CLASP2: variants seen among roughly 807,000 people sequenced by gnomAD.
CLASP2 encodes CLIP-associating protein 2.
Under a neutral mutation model 194.4 loss-of-function variants are expected in CLASP2, and 47 were observed. The ratio of observed to expected loss-of-function variants is 0.24; its 90% CI spans 0.19 to 0.31. CLASP2 has a LOEUF of 0.31. CLASP2 is among the 10% of genes least tolerant of loss of function. The probability of loss-of-function intolerance (pLI) is 1.00; values close to 1 mark genes in which losing one functional copy is unlikely to be tolerated. For missense variants in CLASP2, 1,445 were observed against 1,823.6 expected (o/e 0.79, Z 3.78); for synonymous variants, 619 against 633.5 (o/e 0.98, Z 0.34).
Position 33,592,353 on chromosome 3 carries a change from A to C in CLASP2, c.2068+42T>G, listed in dbSNP as rs937326712. The C allele has an allele frequency of 4.5e-6, 6 of 1,346,078 alleles. No homozygotes were observed. The Admixed American group carries it at 7.0e-5, about 16-fold the overall frequency. 83.4% of individuals were successfully genotyped at this position (1,346,078 alleles called of 1,614,324 possible). A position where few individuals can be genotyped will look rare whatever the true frequency, so the allele number is the denominator to read the frequency against. ...AATACAAAAGCAACACACTTATCCT[A>C]ACATAGTGACAAATATAGGAGGGCT... On this transcript the variant is annotated intron_variant, in intron 21 of 38. Coordinates refer to ENST00000682230, the MANE Select transcript of CLASP2 (RefSeq NM_001365631.1).
At chr3:33,683,597 G>A (rs2090157643) in intron 6 of CLASP2, 1 of 152,314 alleles carries the variant, frequency 6.6e-6, no homozygotes, top group South Asian at 2.1e-4. Flanking sequence ...AACAGAGCCA[G>A]ACCCTGTCTC....
rs564785651 is a variant in CLASP2 at position 33,563,454 on chromosome 3, T to C, written c.2767-2483A>G. ...ACACCATCACTAAAGGCACCAAGCA[T>C]TTCTGACCTCAGGTCTGGATTTCTG... On this transcript the variant is annotated intron_variant, in intron 27 of 38. Coordinates refer to ENST00000682230, the MANE Select transcript of CLASP2 (RefSeq NM_001365631.1). Among the ~76,000 whole-genome samples, 4 of 152,344 alleles carry C rather than the reference T, an allele frequency of 2.6e-5. No individual in the cohort carries two copies. In the East Asian group the frequency reaches 5.8e-4, roughly 22 times the overall value.
chr3:33,624,575 C>T (rs2077671685), intron 10 of CLASP2, among the ~76,000 whole-genome samples: 1 of 151,976 alleles, frequency 6.6e-6, no homozygotes, highest in Non-Finnish European at 1.5e-5. Context: ...TAGTACTGAA[C>T]CCTATATATG....
intron 1 of CLASP2, among the ~76,000 whole-genome samples, chr3:33,704,766 A>G (rs2092590389): frequency 6.6e-6 from 1 of 151,754 alleles, no homozygotes. Flanking sequence ...ATATATATAT[A>G]CATATATATA....
At chr3:33,602,817 A>T (rs1443640457) in intron 18 of CLASP2, 135 bp downstream of exon 18, 1 of 938,834 alleles carries the variant, frequency 1.1e-6, no homozygotes, top group African/African-American at 1.6e-5. Context: ...TGTGTCCGCA[A>T]TATAGAATTA....
chr3:33,498,955 G>A (rs955541887), intron 38 of CLASP2, among the ~76,000 whole-genome samples: 9 of 151,982 alleles, frequency 5.9e-5, no homozygotes, highest in Admixed American at 1.3e-4. Flanking sequence ...AGTTGTTCAT[G>A]ACAGAGTATT....
chr3:33,617,425 A>G (rs1280058144), intron 12 of CLASP2, among the ~76,000 whole-genome samples: 2 of 152,204 alleles, frequency 1.3e-5, no homozygotes, highest in African/African-American at 4.8e-5. Flanking sequence ...TTAGAAATCT[A>G]TATTTCACAC....
intron 9 of CLASP2, among the ~76,000 whole-genome samples, chr3:33,627,388 A>G (rs2078240535): frequency 6.6e-6 from 1 of 152,174 alleles, no homozygotes; most frequent in South Asian, 2.1e-4. Flanking sequence ...ATTTCTCAAA[A>G]TGACTTCAAG....
intron 2 of CLASP2, among the ~76,000 whole-genome samples, chr3:33,695,571 A>G (rs1184662399): frequency 1.3e-5 from 2 of 152,174 alleles, no homozygotes; most frequent in African/African-American, 4.8e-5. Context: ...ACATGAAGAA[A>G]AAAGTTAACC....
chr3:33,701,861 T>A (rs1189421632), intron 1 of CLASP2, among the ~76,000 whole-genome samples: 6 of 151,872 alleles, frequency 4.0e-5, no homozygotes, highest in Non-Finnish European at 1.5e-5. Flanking sequence ...ACTATAAAAC[T>A]ACTAGAAGAA....
In CLASP2 at chr3:33,546,062, C is replaced by CT. The variant is rs895697061; in HGVS notation, c.3154-1222dup. 5.9e-5 allele frequency among the ~76,000 whole-genome samples: 9 copies of CT among 152,060 alleles called. No homozygotes were observed. In the East Asian group the frequency reaches 1.7e-3, roughly 29 times the overall value. On this transcript the variant is annotated intron_variant, in intron 30 of 38. Coordinates refer to ENST00000682230, the MANE Select transcript of CLASP2 (RefSeq NM_001365631.1). ...TGAAAACAAAAGTTACGATCTCATA[C>CT]TTTTTTTTGGAACCACCACATTGAA... is the stretch of plus-strand genomic sequence containing the variant.
chr3:33,607,303 A>G (rs552048740), intron 15 of CLASP2, 81 bp downstream of exon 15: 16 of 927,314 alleles, frequency 1.7e-5, no homozygotes, highest in Non-Finnish European at 2.5e-5. Flanking sequence ...ATACTTGGAC[A>G]CTTCTGATAT....
chr3:33,514,063 C>T (rs760241095), intron 36 of CLASP2, among the ~76,000 whole-genome samples: 98 of 152,354 alleles, frequency 6.4e-4, no homozygotes, highest in Admixed American at 1.8e-3. Context: ...TCTTAGCTCA[C>T]TGCAGCCTCC....
In CLASP2 at chr3:33,714,584, G is replaced by T. The variant is rs74481008; in HGVS notation, c.195+3224C>A. 3.3e-5 allele frequency among the ~76,000 whole-genome samples: 5 copies of T among 152,132 alleles called. No individual in the cohort carries two copies. The East Asian group carries it at 9.7e-4, about 29-fold the overall frequency. On this transcript the variant is annotated intron_variant, in intron 1 of 38. Coordinates refer to ENST00000682230, the MANE Select transcript of CLASP2 (RefSeq NM_001365631.1). ...ACCCAATCCACCAGGAGCTCCTGTC[G>T]GATCTACCACCAAATCACAGCCCAA...
chr3:33,577,106 A>T, intron 23 of CLASP2: 2 of 951,154 alleles, frequency 2.1e-6, no homozygotes, highest in Non-Finnish European at 3.0e-6. Flanking sequence ...ATAATAAAAA[A>T]TCAATTTTAA....
Position 33,608,559 on chromosome 3 carries a change from A to C in CLASP2, c.1448+8T>G. 1 of 1,606,850 alleles carries C rather than the reference A, an allele frequency of 6.2e-7. No individual in the cohort carries two copies. The highest frequency in any genetic ancestry group is 8.5e-7 in the Non-Finnish European group (1 of 1,174,652). On this transcript the variant is annotated splice_region_variant and intron_variant, in intron 14 of 38. Transcript: ENST00000682230. ...GGAAAGTGGGAGGAAGGAAGAGGGA[A>C]TGCATACCTTTCCAATGAATGAGTC...
At chr3:33,644,494 CATAA>C in intron 8 of CLASP2, 1 of 381,538 alleles carries the variant, frequency 2.6e-6, no homozygotes, top group Non-Finnish European at 4.9e-6. Flanking sequence ...AAAAAACTTC[CATAA>C]ATCTTTTTCA....
intron 1 of CLASP2, among the ~76,000 whole-genome samples, chr3:33,710,568 G>A (rs2092950752): frequency 6.6e-6 from 1 of 151,450 alleles, no homozygotes. Flanking sequence ...GCAAGATCCT[G>A]TCTCCAAAAT....
intron 30 of CLASP2, among the ~76,000 whole-genome samples, chr3:33,550,928 T>C (rs1422906234): frequency 6.6e-6 from 1 of 152,182 alleles, no homozygotes; most frequent in South Asian, 2.1e-4. Flanking sequence ...AAAACAAGTC[T>C]AAAAATTGAT....
Sources: gnomAD v4.1 joint callset for allele counts (sites outside exome capture counted in the v4.1 genomes callset) on GRCh38, gnomAD v4.1.1 for gene constraint, MANE v1.5 for transcripts, NCBI Gene and HGNC (gene_info 2026-07-23, HGNC 2026-07-21) for gene names.